TAF3: variants seen among roughly 807,000 people sequenced by gnomAD.
TAF3 encodes the protein transcription initiation factor TFIID subunit 3.
Under a neutral mutation model 80.6 loss-of-function variants are expected in TAF3, and 7 were observed. The observed-to-expected ratio is 0.09, with a 90% CI of 0.05 to 0.16. The LOEUF (loss-of-function observed/expected upper bound fraction) is 0.16. Among genes scored for constraint, TAF3 ranks in the 10% least tolerant of loss-of-function variants. The pLI, the probability that TAF3 is intolerant of heterozygous loss-of-function variation, is 1.00. For synonymous variants in TAF3, 444 were observed against 446.1 expected (o/e 1.00, Z 0.06); for missense variants, 921 against 1,140.2 (o/e 0.81, Z 2.77).
chr10:7,859,570 C>G (rs1837123079), intron 2 of TAF3, among the ~76,000 whole-genome samples: 1 of 152,180 alleles, frequency 6.6e-6, no homozygotes, highest in African/African-American at 2.4e-5. Context: ...TACCTCATGT[C>G]TTTGCTGTTG....
In TAF3 at chr10:7,964,667, C is replaced by T. The variant is rs755748703; in HGVS notation, c.1157C>T (p.Thr386Met). The change falls in exon 3 of 7, where the codon ACG becomes ATG. Residue 386 changes from threonine to methionine, a missense_variant. Transcript: ENST00000344293. This position sits in a 1 kb window ranked among gnomAD's most constrained non-coding sequence, Gnocchi z 4.1. ...AAAAAGGCTGTGGTAGCAGATAAAA[C>T]GATTGAGGCCTCTATCGATGCTGTG... ...QPKKAVVADK[T>M]IEASIDAVIA... 10 of 1,614,018 alleles carry T rather than the reference C, an allele frequency of 6.2e-6. No individual in the cohort carries two copies. Among genetic ancestry groups the T allele is most frequent in the South Asian group, 4.4e-5 (4 of 91,078 alleles).
intron 4 of TAF3, among the ~76,000 whole-genome samples, chr10:7,991,605 CACATGCATACAT>C (rs1831834843): frequency 1.3e-5 from 2 of 152,118 alleles, no homozygotes. Context: ...TACACATACA[CACATGCATACAT>C]AAACATATAT....
chr10:7,830,130 A>T (rs189870401), intron 2 of TAF3, among the ~76,000 whole-genome samples: 1 of 151,940 alleles, frequency 6.6e-6, no homozygotes, highest in African/African-American at 2.4e-5. Flanking sequence ...TCAAGAATCT[A>T]TGTCCACTTC....
intron 2 of TAF3, among the ~76,000 whole-genome samples, chr10:7,849,292 TA>T (rs963780190): frequency 2.0e-4 from 31 of 152,150 alleles, no homozygotes; most frequent in African/African-American, 7.5e-4. Flanking sequence ...AGAGCTTTTT[TA>T]AAAAAATTAC....
chr10:7,921,160 T>A (rs1837758950), intron 2 of TAF3, among the ~76,000 whole-genome samples: 1 of 152,164 alleles, frequency 6.6e-6, no homozygotes, highest in Non-Finnish European at 1.5e-5. Flanking sequence ...CTTCCTTGGC[T>A]TTGTTAATAA....
At chr10:7,840,196 G>A (rs1434437919) in intron 2 of TAF3, among the ~76,000 whole-genome samples, 1 of 148,676 alleles carries the variant, frequency 6.7e-6, no homozygotes, top group Non-Finnish European at 1.5e-5. Flanking sequence ...ACTGTCACCC[G>A]GGCTGGAGTG....
intron 2 of TAF3, among the ~76,000 whole-genome samples, chr10:7,825,560 G>C (rs967864243): frequency 4.0e-5 from 6 of 151,334 alleles, no homozygotes; most frequent in Admixed American, 3.3e-4. Context: ...GTCTATTCTA[G>C]GTACCTTTTA....
chr10:8,011,591 T>C (rs769531880), intron 5 of TAF3, among the ~76,000 whole-genome samples: 57 of 152,302 alleles, frequency 3.7e-4, no homozygotes, highest in Non-Finnish European at 5.9e-4. Flanking sequence ...TTAAATTTCC[T>C]TAAAGGAGTT....
intron 2 of TAF3, among the ~76,000 whole-genome samples, chr10:7,895,488 A>G (rs547389495): frequency 4.3e-4 from 66 of 152,286 alleles, no homozygotes; most frequent in Non-Finnish European, 7.1e-4. Context: ...ACACTTTCTT[A>G]CTGACATCAT....
chr10:8,006,488 AT>A (rs1831995136), intron 4 of TAF3, among the ~76,000 whole-genome samples: 1 of 152,212 alleles, frequency 6.6e-6, no homozygotes, highest in African/African-American at 2.4e-5. Flanking sequence ...AAAGTGCTCA[AT>A]AAATATTCAT....
intron 2 of TAF3, among the ~76,000 whole-genome samples, chr10:7,831,865 G>A (rs1836803859): frequency 6.6e-6 from 1 of 152,086 alleles, no homozygotes; most frequent in Admixed American, 6.5e-5. Context: ...TTCTTGGAAA[G>A]TAGTATTTCT....
At chr10:7,959,017 G>C (rs1564371346) in intron 2 of TAF3, among the ~76,000 whole-genome samples, 1 of 152,090 alleles carries the variant, frequency 6.6e-6, no homozygotes, top group African/African-American at 2.4e-5. Flanking sequence ...ACGGGCGCCT[G>C]TAGTCTCAGC....
intron 2 of TAF3, among the ~76,000 whole-genome samples, chr10:7,903,428 CTT>C (rs1213522369): frequency 2.6e-5 from 4 of 152,162 alleles, no homozygotes; most frequent in Admixed American, 2.6e-4. Flanking sequence ...GGAAGCAACT[CTT>C]TCTCCAGGAA....
chr10:7,987,248 C>T (rs756878713), intron 4 of TAF3, among the ~76,000 whole-genome samples: 5 of 151,974 alleles, frequency 3.3e-5, no homozygotes, highest in African/African-American at 4.8e-5. Flanking sequence ...CCTGGGAAAT[C>T]GAGGCTACAG....
intron 4 of TAF3, among the ~76,000 whole-genome samples, chr10:7,992,990 G>A (rs1831848898): frequency 6.6e-6 from 1 of 151,874 alleles, no homozygotes; most frequent in Non-Finnish European, 1.5e-5. Flanking sequence ...TAATCACAAC[G>A]TTATTATCAT....
intron 4 of TAF3, among the ~76,000 whole-genome samples, chr10:7,992,742 C>T (rs368690036): frequency 1.9e-4 from 29 of 152,218 alleles, no homozygotes; most frequent in East Asian, 7.7e-4. Flanking sequence ...CTGGATTGAA[C>T]GCATATTACC....
intron 2 of TAF3, among the ~76,000 whole-genome samples, chr10:7,953,178 G>A (rs187724216): frequency 6.0e-4 from 91 of 152,146 alleles, no homozygotes; most frequent in African/African-American, 2.0e-3. Context: ...GTTTCACTTC[G>A]GTTCCATTTT....
At chr10:7,944,488 T>C (rs1838006174) in intron 2 of TAF3, among the ~76,000 whole-genome samples, 1 of 152,180 alleles carries the variant, frequency 6.6e-6, no homozygotes, top group Non-Finnish European at 1.5e-5. Context: ...TTACTACGCA[T>C]TTTTTTCATG....
intron 2 of TAF3, among the ~76,000 whole-genome samples, chr10:7,906,700 A>G (rs926901754): frequency 6.6e-6 from 1 of 151,840 alleles, no homozygotes; most frequent in South Asian, 2.1e-4. Context: ...AACGAATTAA[A>G]TAGAGCGCAA....
Sources: allele counts gnomAD v4.1 joint callset (sites outside exome capture counted in the v4.1 genomes callset), GRCh38; gene constraint gnomAD v4.1.1; non-coding constraint Gnocchi (gnomAD v3.1); transcripts MANE v1.5; gene names NCBI Gene and HGNC (gene_info 2026-07-23, HGNC 2026-07-21).